The following ADGRF5 variants were observed in gnomAD, a reference collection of about 807,000 sequenced individuals.
The protein encoded by ADGRF5 is adhesion G protein-coupled receptor F5.
In ADGRF5, 75 loss-of-function variants were observed where a neutral mutation model predicts 132.3. The observed-to-expected ratio is 0.57, with a 90% CI of 0.47 to 0.69. The LOEUF (loss-of-function observed/expected upper bound fraction) is 0.69, where lower values mean the gene tolerates loss of function less well. Ranked by LOEUF, ADGRF5 falls within the 30% of genes least tolerant of loss-of-function variation. The pLI is 0.00. For synonymous variants in ADGRF5, 629 were observed against 597.6 expected (o/e 1.05, Z -0.77); for missense variants, 1,516 against 1,630.6 (o/e 0.93, Z 1.21).
Position 46,859,056 on chromosome 6 carries a change from G to A in ADGRF5, c.2847C>T (p.Gly949=), listed in dbSNP as rs113672203. 361 of 1,614,066 alleles carry A rather than the reference G, an allele frequency of 2.2e-4. 1 individual carries two copies. In the African/African-American group the frequency reaches 2.6e-3, roughly 12 times the overall value. ...SMTFKNNSPS[G]GETKCVFWNF... ...TCCAGAAGACACACTTCGTTTCGCC[G>A]CCTGAAGGGCTATTGTTCTTAAAAG... Residue 949 remains glycine (G), a synonymous_variant, in exon 17 of 21, where the codon GGC becomes GGT. Transcript: ENST00000283296.
intron 1 of ADGRF5, among the ~76,000 whole-genome samples, chr6:46,912,255 A>G (rs1776017514): frequency 6.6e-6 from 1 of 152,186 alleles, no homozygotes; most frequent in African/African-American, 2.4e-5. Flanking sequence ...ACCTAGTCTT[A>G]GGGATTTGTG....
Position 46,878,279 on chromosome 6 carries a change from G to A in ADGRF5, c.1163C>T (p.Ser388Phe), listed in dbSNP as rs758541554. ...ATTACCCTGACTGCAGCAGTTCAAA[G>A]ATACAGGATTGTTGTCGCACATCAC... ...MKVMCDNNPVSLNCCSQGNVN... is the reference protein window; with the variant it reads ...MKVMCDNNPVFLNCCSQGNVN... The change falls in exon 10 of 21, where the codon TCT (serine) becomes TTT (phenylalanine). Residue 388 changes from serine (S) to phenylalanine (F), a missense_variant. Transcript: ENST00000283296. The A allele has an allele frequency of 6.2e-7, 1 of 1,613,754 alleles. No homozygotes were observed. The highest frequency in any genetic ancestry group is 8.5e-7 in the Non-Finnish European group (1 of 1,179,698).
rs1308264977 is a variant in ADGRF5, at chr6:46,863,115, A to G, written c.1991-19T>C. 2 of 1,562,400 alleles carry G rather than the reference A, an allele frequency of 1.3e-6. No homozygotes were observed. The highest frequency in any genetic ancestry group is 1.8e-6 in the Non-Finnish European group (2 of 1,133,054). On this transcript the variant is annotated intron_variant, in intron 14 of 20. Transcript: ENST00000283296. ...TTTTCCCCTGTGTTGGAAACATTGA[A>G]ATAAAGGGATAATTGCAAGGAAGAG...
chr6:46,880,938 A>T (rs1044813810), intron 8 of ADGRF5, among the ~76,000 whole-genome samples: 19 of 140,482 alleles, frequency 1.4e-4, no homozygotes, highest in African/African-American at 2.5e-4. Context: ...AAAAAATAAT[A>T]AAAAAAAAAA....
At chr6:46,878,995 A>G (rs1772139813) in intron 9 of ADGRF5, among the ~76,000 whole-genome samples, 1 of 152,198 alleles carries the variant, frequency 6.6e-6, no homozygotes, top group South Asian at 2.1e-4. Flanking sequence ...GGAGAACCAG[A>G]AAATTTGGTG....
intron 1 of ADGRF5, chr6:46,908,951 G>C (rs757744679): frequency 4.6e-5 from 7 of 152,116 alleles, no homozygotes; most frequent in Non-Finnish European, 8.8e-5. Context: ...TGACCAATGG[G>C]AACAGTGACA....
chr6:46,888,645 A>G (rs1159475659), intron 3 of ADGRF5, 140 bp from the exon 4 acceptor site: 1 of 638,382 alleles, frequency 1.6e-6, no homozygotes, highest in African/African-American at 1.8e-5. Context: ...TTCTAATGAA[A>G]TCTTTAGAGA....
intron 1 of ADGRF5, among the ~76,000 whole-genome samples, chr6:46,943,502 C>T (rs993705632): frequency 6.6e-6 from 1 of 152,158 alleles, no homozygotes; most frequent in Non-Finnish European, 1.5e-5. Context: ...GATGATGATA[C>T]TATTGCTATT....
Position 46,862,999 on chromosome 6 carries a change from A to G in ADGRF5, c.2088T>C (p.Pro696=), listed in dbSNP as rs1769970307. 2 of 1,613,680 alleles carry G rather than the reference A, an allele frequency of 1.2e-6. No homozygotes were observed. The highest frequency in any genetic ancestry group is 1.7e-6 in the Non-Finnish European group (2 of 1,179,772). ...TGATGGTCCCGCCAATGGGACTCTC[A>G]GGGCTGCTGGGAACGTTTGAGAACC... The part of the protein sequence containing the change: ...LCRFSNVPSS[P]ESPIGGTITY... The change falls in exon 15 of 21, where the codon CCT becomes CCC. Residue 696 remains proline (P), a synonymous_variant. Coordinates refer to ENST00000283296, the MANE Select transcript of ADGRF5 (RefSeq NM_001098518.2).
intron 4 of ADGRF5, chr6:46,888,126 C>G: frequency 2.0e-6 from 1 of 493,614 alleles, no homozygotes; most frequent in East Asian, 3.2e-5. Context: ...AACCTTTGGT[C>G]ACCATTTAAA....
intron 20 of ADGRF5, among the ~76,000 whole-genome samples, 173 bp from the exon 21 acceptor site, chr6:46,854,244 C>G (rs1768783954): frequency 1.3e-5 from 2 of 152,186 alleles, no homozygotes; most frequent in Non-Finnish European, 2.9e-5. Context: ...TGCCAGAAAA[C>G]TAACAGAGCT....
intron 2 of ADGRF5, chr6:46,905,125 A>T (rs1001400188): frequency 6.6e-6 from 1 of 152,300 alleles, no homozygotes; most frequent in African/African-American, 2.4e-5. Flanking sequence ...GCTGGAACAG[A>T]GGCAAAGCTA....
At chr6:46,944,177 G>A (rs992595281) in intron 1 of ADGRF5, among the ~76,000 whole-genome samples, 1 of 152,176 alleles carries the variant, frequency 6.6e-6, no homozygotes, top group Non-Finnish European at 1.5e-5. Context: ...AGAAGCAGGG[G>A]CATGGTTTCA....
At chr6:46,861,846 C>T (rs1393725639) in intron 15 of ADGRF5, among the ~76,000 whole-genome samples, 1 of 152,014 alleles carries the variant, frequency 6.6e-6, no homozygotes, top group Non-Finnish European at 1.5e-5. Flanking sequence ...GGGCCCACAT[C>T]GAGTTCAGAT....
At chr6:46,938,102 T>C (rs1777917999) in intron 1 of ADGRF5, among the ~76,000 whole-genome samples, 2 of 152,210 alleles carry the variant, frequency 1.3e-5, no homozygotes, top group Non-Finnish European at 2.9e-5. Context: ...TGAATAAACA[T>C]GACTTACAGT....
rs1012882656 is a variant in ADGRF5 at position 46,901,115 on chromosome 6, G to A, written c.103-1032C>T. ...GCTCTGGGGGCATCATGCTGCACCT[G>A]CCACCTGGTGCATTTCTGTGAAGTT... On this transcript the variant is annotated intron_variant, in intron 2 of 20. Transcript: ENST00000283296. Among the ~76,000 whole-genome samples the A allele has an allele frequency of 3.3e-5, 5 of 152,174 alleles. No individual in the cohort carries two copies. The East Asian group carries it at 7.7e-4, about 23-fold the overall frequency.
intron 2 of ADGRF5, chr6:46,905,573 A>C (rs913347652): frequency 6.6e-6 from 1 of 152,234 alleles, no homozygotes; most frequent in Non-Finnish European, 1.5e-5. Context: ...TCATAAAACA[A>C]AGTGGTATAT....
At chr6:46,910,066 T>A (rs1185014757) in intron 1 of ADGRF5, among the ~76,000 whole-genome samples, 1 of 151,862 alleles carries the variant, frequency 6.6e-6, no homozygotes, top group African/African-American at 2.4e-5. Flanking sequence ...GTGCTTAAGA[T>A]CAACTCTTCT....
At chr6:46,943,200 T>C (rs1294786176) in intron 1 of ADGRF5, among the ~76,000 whole-genome samples, 2 of 152,116 alleles carry the variant, frequency 1.3e-5, no homozygotes, top group Non-Finnish European at 2.9e-5. Flanking sequence ...AAGGAGAACT[T>C]GTAGACCATC....
Sources: gnomAD v4.1 joint callset for allele counts (sites outside exome capture counted in the v4.1 genomes callset) on GRCh38, gnomAD v4.1.1 for gene constraint, MANE v1.5 for transcripts, NCBI Gene and HGNC (gene_info 2026-07-23, HGNC 2026-07-21) for gene names.